The following ARID1A variants were observed in gnomAD, a reference collection of about 807,000 sequenced individuals.
ARID1A encodes AT-rich interaction domain 1A.
ARID1A carries 20 observed loss-of-function variants against 212.6 expected under a neutral mutation model. The ratio of observed to expected loss-of-function variants is 0.09; its 90% CI spans 0.07 to 0.14. ARID1A has a LOEUF of 0.14. ARID1A is among the 10% of genes least tolerant of loss of function. The pLI, the probability that ARID1A is intolerant of heterozygous loss-of-function variation, is 1.00. For synonymous variants in ARID1A, 1,376 were observed against 1,222.1 expected, an observed-to-expected ratio of 1.13 and a Z score of -2.63; for missense variants, 2,587 against 3,059.0, an observed-to-expected ratio of 0.85 and a Z score of 3.64.
intron 1 of ARID1A, among the ~76,000 whole-genome samples, chr1:26,702,640 T>G (rs946651515): frequency 1.8e-4 from 28 of 152,118 alleles, no homozygotes; most frequent in African/African-American, 6.3e-4. Context: ...AATGCTAGCC[T>G]CCTCATGTGG....
chr1:26,739,193 C>G (rs2080763052), intron 4 of ARID1A, among the ~76,000 whole-genome samples: 2 of 152,156 alleles, frequency 1.3e-5, no homozygotes, highest in Non-Finnish European at 2.9e-5. Context: ...GGCCCAGCTT[C>G]TGTAACTTTT....
chr1:26,729,944 T>A, intron 2 of ARID1A, 81 bp downstream of exon 2: 1 of 1,502,912 alleles, frequency 6.7e-7, no homozygotes, highest in South Asian at 1.2e-5. Flanking sequence ...AATGTATCCT[T>A]GGCTTCCAAG....
At chr1:26,777,954 G>C (rs2081152120) in intron 19 of ARID1A, 1 of 152,086 alleles carries the variant, frequency 6.6e-6, no homozygotes, top group Non-Finnish European at 1.5e-5. Flanking sequence ...TCTAATCCCA[G>C]CTACTTGGGA....
chr1:26,781,022 C>T lies in ARID1A; in HGVS notation c.*266C>T. The T allele has an allele frequency of 5.1e-6, 2 of 388,928 alleles. No homozygotes were observed. The highest frequency in any genetic ancestry group is 4.6e-6 in the Non-Finnish European group (1 of 219,268). 24.1% of individuals were successfully genotyped at this position (388,928 alleles called of 1,614,324 possible). A position where few individuals can be genotyped will look rare whatever the true frequency, so the allele number is the denominator to read the frequency against. On this transcript the variant is annotated 3_prime_UTR_variant, in exon 20 of 20. Coordinates refer to ENST00000324856, the MANE Select transcript of ARID1A (RefSeq NM_006015.6). ...CCCTCTTTGAAAAGACAAAGCTCTG[C>T]CTACATAGAAGACTTTTTTTATTTT...
intron 1 of ARID1A, among the ~76,000 whole-genome samples, chr1:26,722,604 T>C (rs561733443): frequency 6.6e-6 from 1 of 152,304 alleles, no homozygotes; most frequent in African/African-American, 2.4e-5. Flanking sequence ...AAACAAAACT[T>C]TTTTGGGGAG....
intron 1 of ARID1A, among the ~76,000 whole-genome samples, chr1:26,700,866 T>G (rs1570545075): frequency 6.6e-6 from 1 of 152,206 alleles, no homozygotes; most frequent in African/African-American, 2.4e-5. Flanking sequence ...GGGGGTTTCA[T>G]GTTTCTCTAC....
chr1:26,725,850 AC>A (rs1319634684), intron 1 of ARID1A, among the ~76,000 whole-genome samples: 2 of 138,660 alleles, frequency 1.4e-5, no homozygotes, highest in African/African-American at 5.3e-5. Context: ...TCTGGTATAA[AC>A]CTTTTTTTTT....
intron 1 of ARID1A, among the ~76,000 whole-genome samples, chr1:26,718,509 T>C (rs1261154379): frequency 6.6e-6 from 1 of 152,166 alleles, no homozygotes; most frequent in Non-Finnish European, 1.5e-5. Flanking sequence ...CCCCTCGGTA[T>C]CCGTAGGGGG....
In ARID1A at chr1:26,773,617, A is replaced by G. The variant is rs573792127; in HGVS notation, c.3904A>G (p.Thr1302Ala). The change falls in exon 16 of 20, where the codon ACT (threonine) becomes GCT (alanine). Residue 1302 changes from threonine to alanine, a missense_variant. Coordinates refer to ENST00000324856, the MANE Select transcript of ARID1A (RefSeq NM_006015.6). ...PGIGPEGNMSTGAPQPNLMPS... is the reference protein window; with the variant it reads ...PGIGPEGNMSAGAPQPNLMPS... ...AATAGGGCCTGAGGGAAACATGAGC[A>G]CTGGGGCCCCACAGCCGAATCTCAT... 4.3e-6 allele frequency: 7 copies of G among 1,614,184 alleles called. No homozygotes were observed. The South Asian group carries it at 7.7e-5, about 18-fold the overall frequency.
At chr1:26,726,028 G>A (rs2080613722) in intron 1 of ARID1A, among the ~76,000 whole-genome samples, 1 of 151,656 alleles carries the variant, frequency 6.6e-6, no homozygotes, top group South Asian at 2.1e-4. Flanking sequence ...GCTAATTTTT[G>A]TATTTTAGTA....
rs755321546 is a variant in ARID1A, at chr1:26,779,535, G to A, written c.5637G>A (p.Arg1879=). 4 of 1,613,970 alleles carry A rather than the reference G, an allele frequency of 2.5e-6. No homozygotes were observed. Among genetic ancestry groups the A allele is most frequent in the Middle Eastern group, 1.6e-4 (1 of 6,082 alleles). The change falls in exon 20 of 20, where the codon CGG becomes CGA. Residue 1879 remains arginine (R), a synonymous_variant. Coordinates refer to ENST00000324856, the MANE Select transcript of ARID1A (RefSeq NM_006015.6). ...ACGCACCCTGCCCACCAGCCCCTCG[G>A]AAGCATGTGACAACAGCAGAGGGTA... is the stretch of plus-strand genomic sequence containing the variant. The part of the protein sequence containing the change: ...RPHAPCPPAP[R]KHVTTAEGTP...
At chr1:26,740,851 A>C (rs182142746) in intron 4 of ARID1A, among the ~76,000 whole-genome samples, 2 of 152,338 alleles carry the variant, frequency 1.3e-5, no homozygotes, top group East Asian at 3.9e-4. Context: ...ACATGCAGGA[A>C]AGAATACAGG....
At chr1:26,699,831 ATATT>A (rs2080315549) in intron 1 of ARID1A, among the ~76,000 whole-genome samples, 1 of 152,184 alleles carries the variant, frequency 6.6e-6, no homozygotes. Flanking sequence ...TGGTTTGGAA[ATATT>A]TAGTCAAAGG....
At chr1:26,772,417 G>A (rs1055169698) in intron 12 of ARID1A, 83 bp from the exon 13 acceptor site, 1 of 1,590,648 alleles carries the variant, frequency 6.3e-7, no homozygotes, top group African/African-American at 1.3e-5. Flanking sequence ...TTCCCAAAGA[G>A]ATTCTGGGTC....
At chr1:26,705,565 G>C (rs1216854193) in intron 1 of ARID1A, among the ~76,000 whole-genome samples, 4 of 150,998 alleles carry the variant, frequency 2.6e-5, no homozygotes, top group Non-Finnish European at 5.9e-5. Context: ...TTGGCATTTT[G>C]CAAAAGTGGG....
At chr1:26,727,597 T>C (rs988387953) in intron 1 of ARID1A, 7 of 152,166 alleles carry the variant, frequency 4.6e-5, no homozygotes, top group African/African-American at 1.7e-4. Context: ...ACCCAGTAAA[T>C]TGGAATCTCT....
intron 10 of ARID1A, 33 bp from the exon 11 acceptor site, chr1:26,767,757 C>G: frequency 6.4e-7 from 1 of 1,563,368 alleles, no homozygotes. Context: ...TGAATCTGAC[C>G]CATTCCTATG....
intron 1 of ARID1A, among the ~76,000 whole-genome samples, chr1:26,705,298 C>T (rs768445393): frequency 6.6e-5 from 10 of 152,038 alleles, no homozygotes; most frequent in Non-Finnish European, 1.0e-4. Context: ...CCACCATGCC[C>T]GGCTAATTTT....
chr1:26,721,344 T>TGGGA (rs1053726324), intron 1 of ARID1A, among the ~76,000 whole-genome samples: 2 of 152,192 alleles, frequency 1.3e-5, no homozygotes, highest in African/African-American at 4.8e-5. Context: ...CCCAAGTAGC[T>TGGGA]GGGACTACAG....
Sources: gnomAD v4.1 joint callset for allele counts (sites outside exome capture counted in the v4.1 genomes callset) on GRCh38, gnomAD v4.1.1 for gene constraint, MANE v1.5 for transcripts, NCBI Gene and HGNC (gene_info 2026-07-23, HGNC 2026-07-21) for gene names.